The following TSPAN9 variants were observed in gnomAD, a reference collection of about 807,000 sequenced individuals.
The protein encoded by TSPAN9 is tetraspanin-9.
A neutral mutation model predicts 31.0 loss-of-function variants in TSPAN9; 16 were observed. That is an observed-to-expected ratio of 0.52 (90% CI 0.35 to 0.78). TSPAN9 has a LOEUF of 0.78. Ranked by LOEUF, TSPAN9 falls within the 30% of genes least tolerant of loss-of-function variation. TSPAN9 has a pLI of 0.01. For missense variants in TSPAN9, 272 were observed against 312.5 expected (o/e 0.87, Z 0.98); for synonymous variants, 145 against 121.6 (o/e 1.19, Z -1.27).
chr12:3,078,362 C>G (rs2098296178), intron 1 of TSPAN9, among the ~76,000 whole-genome samples: 1 of 152,142 alleles, frequency 6.6e-6, no homozygotes, highest in Admixed American at 6.6e-5. Context: ...ATTTCCTCCT[C>G]CAGGAAGCTT....
At chr12:3,113,501 T>C (rs1458219170) in intron 2 of TSPAN9, among the ~76,000 whole-genome samples, 5 of 152,220 alleles carry the variant, frequency 3.3e-5, no homozygotes, top group African/African-American at 1.2e-4. Flanking sequence ...TTTTGTGTCC[T>C]GTACTATATT....
intron 3 of TSPAN9, among the ~76,000 whole-genome samples, chr12:3,233,239 G>A (rs921469610): frequency 1.4e-4 from 21 of 152,114 alleles, no homozygotes; most frequent in Admixed American, 4.6e-4. Flanking sequence ...AAATTAGTAA[G>A]GTTACAAGCA....
intron 3 of TSPAN9, among the ~76,000 whole-genome samples, chr12:3,257,148 C>T (rs1313603599): frequency 6.6e-6 from 1 of 152,100 alleles, no homozygotes; most frequent in Admixed American, 6.5e-5. Flanking sequence ...AAGTGCTGCT[C>T]TGTGGGTCTT....
chr12:3,278,777 G>T (rs1449674327), intron 4 of TSPAN9, among the ~76,000 whole-genome samples, 165 bp downstream of exon 4: 4 of 152,150 alleles, frequency 2.6e-5, no homozygotes, highest in Non-Finnish European at 5.9e-5. Flanking sequence ...CCTCCTCATG[G>T]TTGGTTATGC....
intron 2 of TSPAN9, among the ~76,000 whole-genome samples, chr12:3,104,459 C>T (rs1254871318): frequency 6.6e-6 from 1 of 151,820 alleles, no homozygotes; most frequent in Non-Finnish European, 1.5e-5. Flanking sequence ...TTCAAGAGAT[C>T]CTCCCACCTC....
At chr12:3,125,361 C>T (rs1212743589) in intron 2 of TSPAN9, among the ~76,000 whole-genome samples, 2 of 152,280 alleles carry the variant, frequency 1.3e-5, no homozygotes, top group African/African-American at 2.4e-5. Flanking sequence ...CAGGCTCCAG[C>T]ACTTTCCAGA....
At chr12:3,212,646 A>C (rs2153974131) in intron 3 of TSPAN9, among the ~76,000 whole-genome samples, 1 of 152,302 alleles carries the variant, frequency 6.6e-6, no homozygotes, top group South Asian at 2.1e-4. Flanking sequence ...CACGCACTGC[A>C]GACCTGATGA....
chr12:3,094,157 C>T (rs1451882972), intron 2 of TSPAN9, among the ~76,000 whole-genome samples: 1 of 152,154 alleles, frequency 6.6e-6, no homozygotes, highest in African/African-American at 2.4e-5. Flanking sequence ...TGAGCCACCA[C>T]GCCCAGCCCA....
Position 3,143,269 on chromosome 12 carries a change from ATAAT to A in TSPAN9, c.-17-57903_-17-57900del, listed in dbSNP as rs1440437668. ...AATAATATTTATAGTTATATTAATC[ATAAT>A]TAATAATATTTATAATTATATTAAT... On this transcript the variant is annotated intron_variant, in intron 2 of 8. Transcript: ENST00000011898. This position sits in a 1 kb window ranked among gnomAD's most constrained non-coding sequence, Gnocchi z 4.2. Among the ~76,000 whole-genome samples the A allele has an allele frequency of 2.0e-5, 3 of 147,286 alleles. No homozygotes were observed. The highest frequency in any genetic ancestry group is 5.0e-5 in the African/African-American group (2 of 39,782).
At chr12:3,090,869 T>C (rs534828791) in intron 2 of TSPAN9, among the ~76,000 whole-genome samples, 1 of 152,366 alleles carries the variant, frequency 6.6e-6, no homozygotes, top group African/African-American at 2.4e-5. Context: ...AGATCACTGT[T>C]CATCCCCAGA....
At chr12:3,199,613 C>T (rs768759224) in intron 2 of TSPAN9, among the ~76,000 whole-genome samples, 155 of 152,340 alleles carry the variant, frequency 1.0e-3, no homozygotes, top group Middle Eastern at 3.4e-3. Flanking sequence ...CCGCTTCGTC[C>T]ACCTGTCCCT....
At chr12:3,263,307 G>A (rs1030403184) in intron 3 of TSPAN9, among the ~76,000 whole-genome samples, 1 of 152,224 alleles carries the variant, frequency 6.6e-6, no homozygotes, top group African/African-American at 2.4e-5. Context: ...TGACACCCAG[G>A]ATGACCTGGC....
In TSPAN9 at chr12:3,224,107, A is replaced by G. The variant is rs143981879; in HGVS notation, c.63+22851A>G. Among the ~76,000 whole-genome samples the G allele has an allele frequency of 5.7e-3, 870 of 152,226 alleles. 4 individuals carry two copies. Among genetic ancestry groups the G allele is most frequent in the Middle Eastern group, 0.041 (12 of 294 alleles). On this transcript the variant is annotated intron_variant, in intron 3 of 8. Transcript: ENST00000011898. The stretch of plus-strand genomic sequence containing the variant: ...AAAAAAAAATTTTTTTTCTGAATTG[A>G]TAAGCAGGAAGTTCCTCCTTCCATC...
intron 2 of TSPAN9, among the ~76,000 whole-genome samples, chr12:3,144,026 T>C (rs2098336038): frequency 6.6e-6 from 1 of 152,196 alleles, no homozygotes; most frequent in Non-Finnish European, 1.5e-5. Context: ...TATCTGTATC[T>C]CTGTTGTTCT....
chr12:3,210,011 C>T (rs2098377677), intron 3 of TSPAN9, among the ~76,000 whole-genome samples: 1 of 141,142 alleles, frequency 7.1e-6, no homozygotes, highest in African/African-American at 2.6e-5. Context: ...TGGCGGGTGC[C>T]TGTAGTCCCA....
chr12:3,083,537 A>G (rs975084607), intron 1 of TSPAN9, 116 bp from the exon 2 acceptor site: 5 of 152,366 alleles, frequency 3.3e-5, no homozygotes, highest in Admixed American at 1.3e-4. Flanking sequence ...CCATTTGTTG[A>G]GTGAGCAGTT....
intron 2 of TSPAN9, among the ~76,000 whole-genome samples, chr12:3,090,943 C>G (rs1234534650): frequency 2.6e-5 from 4 of 152,222 alleles, no homozygotes; most frequent in Non-Finnish European, 5.9e-5. Flanking sequence ...GAAGTGGAGT[C>G]AGTGTGTTGT....
At chr12:3,198,589 A>G (rs1467791035) in intron 2 of TSPAN9, among the ~76,000 whole-genome samples, 5 of 82,102 alleles carry the variant, frequency 6.1e-5, no homozygotes, top group Non-Finnish European at 1.4e-4. Flanking sequence ...GGCCACCACC[A>G]GCACAGGTCA....
At chr12:3,191,491 T>C (rs7311192) in intron 2 of TSPAN9, among the ~76,000 whole-genome samples, 151,253 of 152,214 alleles carry the variant, frequency 0.99, 75,161 homozygotes, top group Middle Eastern at 1. Context: ...ACTAGTCCAG[T>C]CTGCTTGTTT....
Sources: gnomAD v4.1 joint callset for allele counts (sites outside exome capture counted in the v4.1 genomes callset) on GRCh38, gnomAD v4.1.1 for gene constraint, Gnocchi (gnomAD v3.1) non-coding constraint, MANE v1.5 for transcripts, NCBI Gene and HGNC (gene_info 2026-07-23, HGNC 2026-07-21) for gene names.